The following CRISP2 variants were observed in gnomAD, a reference collection of about 807,000 sequenced individuals.
The protein encoded by CRISP2 is cysteine rich secretory protein 2.
CRISP2 carries 29 observed loss-of-function variants against 31.7 expected under a neutral mutation model. The observed-to-expected ratio is 0.92, with a 90% confidence interval of 0.68 to 1.25. The LOEUF (loss-of-function observed/expected upper bound fraction) is 1.25. Among genes scored for constraint, CRISP2 ranks in the 50% most tolerant of loss-of-function variants. The probability of loss-of-function intolerance (pLI) is 0.00; values close to 1 mark genes in which losing one functional copy is unlikely to be tolerated. For missense variants in CRISP2, 318 were observed against 286.5 expected, an observed-to-expected ratio of 1.11 and a Z score of -0.79; for synonymous variants, 111 against 101.4, an observed-to-expected ratio of 1.09 and a Z score of -0.57.
chr6:49,710,067 G>T (rs888323043), intron 3 of CRISP2, among the ~76,000 whole-genome samples: 8 of 152,156 alleles, frequency 5.3e-5, no homozygotes, highest in Non-Finnish European at 7.4e-5. Context: ...ATGCTGCCTA[G>T]ATTTGTTTCT....
At chr6:49,682,655 T>TTTC in the CRISP2 span, among the ~76,000 whole-genome samples, 24 of 52,006 alleles carry the variant, frequency 4.6e-4, no homozygotes, top group South Asian at 8.1e-4. Context: ...TCTTTCTTTC[T>TTTC]TTTCTTTCTT....
the CRISP2 span, among the ~76,000 whole-genome samples, chr6:49,678,253 C>A: frequency 9.2e-5 from 14 of 152,248 alleles, no homozygotes; most frequent in African/African-American, 3.4e-4. Context: ...AGAGAAAAAT[C>A]ATCTATTACT....
chr6:49,688,067 G>C (rs573256695), downstream of CRISP2, among the ~76,000 whole-genome samples: 52 of 152,312 alleles, frequency 3.4e-4, no homozygotes, highest in Middle Eastern at 3.4e-3. Flanking sequence ...CTGGGCCATA[G>C]CTTGTTGCCA....
chr6:49,706,215 T>C lies in CRISP2; in HGVS notation c.66+2916A>G, dbSNP rs550059208. Among the ~76,000 whole-genome samples the C allele has an allele frequency of 4.6e-5, 7 of 152,328 alleles. No homozygotes were observed. The East Asian group carries it at 1.2e-3, about 25-fold the overall frequency. ...GGGTAAAGCTGGAGCCCATGATTCA[T>C]CTTAAATTTTATGGGGCAGTTTTCC... On this transcript the variant is annotated intron_variant, in intron 4 of 9. Coordinates refer to ENST00000339139, the MANE Select transcript of CRISP2 (RefSeq NM_003296.4).
At chr6:49,682,587 TTTTC>T in the CRISP2 span, among the ~76,000 whole-genome samples, 6,906 of 82,924 alleles carry the variant, frequency 0.083, 318 homozygotes, top group Middle Eastern at 0.12. Flanking sequence ...CTTTCTTTCT[TTTTC>T]TTTCTTTCTT....
chr6:49,700,717 T>C lies in CRISP2; in HGVS notation c.134A>G (p.Asn45Ser). 2 of 1,612,832 alleles carry C rather than the reference T, an allele frequency of 1.2e-6. No individual in the cohort carries two copies. Among genetic ancestry groups the C allele is most frequent in the Non-Finnish European group, 1.7e-6 (2 of 1,179,206 alleles). ...QVQREIVNKH[N>S]ELRKAVSPPA... ...TGGAGAGACTGCTTTCCTTAGTTCA[T>C]TGTGTTTATTTACAATCTCCCTTTG... Residue 45 changes from asparagine to serine, a missense_variant, in exon 5 of 10, where the codon AAT (asparagine) becomes AGT (serine). Coordinates refer to ENST00000339139, the MANE Select transcript of CRISP2 (RefSeq NM_003296.4).
intron 4 of CRISP2, among the ~76,000 whole-genome samples, chr6:49,701,885 T>TTATATAA (rs1765967177): frequency 3.2e-5 from 3 of 92,732 alleles, no homozygotes; most frequent in Non-Finnish European, 5.9e-5. Context: ...GTATTATATA[T>TTATATAA]TATATATTAT....
At chr6:49,684,274 C>A in the CRISP2 span, among the ~76,000 whole-genome samples, 5 of 152,176 alleles carry the variant, frequency 3.3e-5, no homozygotes, top group African/African-American at 1.2e-4. Flanking sequence ...CTCCCACATA[C>A]TTTAAAACAT....
At chr6:49,708,189 G>C (rs1052274911) in intron 4 of CRISP2, among the ~76,000 whole-genome samples, 3 of 152,252 alleles carry the variant, frequency 2.0e-5, no homozygotes, top group Admixed American at 2.0e-4. Flanking sequence ...ATTGGAGCAA[G>C]AGGACTATCA....
intron 6 of CRISP2, among the ~76,000 whole-genome samples, chr6:49,699,196 A>C (rs1765250991): frequency 6.6e-6 from 1 of 152,030 alleles, no homozygotes; most frequent in Non-Finnish European, 1.5e-5. Flanking sequence ...GTAGGTATCC[A>C]GTCCACACAA....
chr6:49,696,554 G>C (rs570918713), intron 8 of CRISP2, among the ~76,000 whole-genome samples: 2 of 146,072 alleles, frequency 1.4e-5, no homozygotes, highest in East Asian at 4.0e-4. Context: ...TACCAAAATG[G>C]AATATTAGTT....
At chr6:49,702,562 T>A (rs1408012821) in intron 4 of CRISP2, among the ~76,000 whole-genome samples, 1 of 152,094 alleles carries the variant, frequency 6.6e-6, no homozygotes, top group Middle Eastern at 3.2e-3. Context: ...TAATTAATAA[T>A]GTTGAGCAGC....
the CRISP2 span, among the ~76,000 whole-genome samples, chr6:49,681,323 T>C: frequency 6.6e-6 from 1 of 152,230 alleles, no homozygotes; most frequent in Non-Finnish European, 1.5e-5. Flanking sequence ...GTCTTAATTC[T>C]GGGTTCTCTA....
At chr6:49,710,316 T>C (rs1411446235) in intron 3 of CRISP2, among the ~76,000 whole-genome samples, 1 of 152,192 alleles carries the variant, frequency 6.6e-6, no homozygotes, top group Non-Finnish European at 1.5e-5. Flanking sequence ...CTATTTATAT[T>C]GTATGGATGA....
intron 4 of CRISP2, among the ~76,000 whole-genome samples, chr6:49,707,433 G>A (rs1474790654): frequency 1.3e-5 from 2 of 152,130 alleles, no homozygotes; most frequent in African/African-American, 4.8e-5. Flanking sequence ...AGTGTTTATA[G>A]AGCATCTGAT....
In CRISP2 at chr6:49,695,873, A is replaced by G; in HGVS notation, c.567T>C (p.Cys189=). The change falls in exon 9 of 10, where the codon TGT becomes TGC. Residue 189 remains cysteine, a synonymous_variant. Coordinates refer to ENST00000339139, the MANE Select transcript of CRISP2 (RefSeq NM_003296.4). ...TGTCACAGTCATCAGGGCAACCGGC[A>G]CAAGGTGTTCCTTGTTGGTACGGGG... The part of the protein sequence containing the change: ...KNTPYQQGTP[C]AGCPDDCDKG... 6.2e-7 allele frequency: 1 copy of G among 1,613,386 alleles called. No individual in the cohort carries two copies. The highest frequency in any genetic ancestry group is 8.5e-7 in the Non-Finnish European group (1 of 1,179,610).
the CRISP2 span, among the ~76,000 whole-genome samples, chr6:49,677,454 A>T: frequency 6.6e-6 from 1 of 152,070 alleles, no homozygotes; most frequent in East Asian, 1.9e-4. Context: ...CATAGAGTTG[A>T]TGTTTCTTGT....
chr6:49,701,757 T>C (rs1431331580), intron 4 of CRISP2, among the ~76,000 whole-genome samples: 2 of 106,760 alleles, frequency 1.9e-5, no homozygotes, highest in Admixed American at 1.2e-4. Context: ...ATATATAATG[T>C]ATACATTATA....
chr6:49,706,941 T>C (rs959236302), intron 4 of CRISP2, among the ~76,000 whole-genome samples: 2 of 152,158 alleles, frequency 1.3e-5, no homozygotes, highest in African/African-American at 2.4e-5. Flanking sequence ...AAAATATCAG[T>C]AAAGGCAGAT....
Sources: gnomAD v4.1 joint callset for allele counts (sites outside exome capture counted in the v4.1 genomes callset) on GRCh38, gnomAD v4.1.1 for gene constraint, MANE v1.5 for transcripts, NCBI Gene and HGNC (gene_info 2026-07-23, HGNC 2026-07-21) for gene names.